The following EEFSEC variants were observed in gnomAD, a reference collection of about 807,000 sequenced individuals.
The protein encoded by EEFSEC is eukaryotic elongation factor, selenocysteine-tRNA specific, also known as selenocysteine-specific elongation factor.
EEFSEC carries 43 observed loss-of-function variants against 42.1 expected under a neutral mutation model. The ratio of observed to expected loss-of-function variants is 1.02; its 90% CI spans 0.80 to 1.32. EEFSEC has a LOEUF of 1.32. Ranked by LOEUF, EEFSEC falls within the 40% of genes most tolerant of loss-of-function variation. The probability of loss-of-function intolerance (pLI) is 0.00; values close to 1 mark genes in which losing one functional copy is unlikely to be tolerated. For missense variants in EEFSEC, 745 were observed against 803.6 expected, an observed-to-expected ratio of 0.93 and a Z score of 0.88; for synonymous variants, 354 against 339.1, an observed-to-expected ratio of 1.04 and a Z score of -0.48.
intron 5 of EEFSEC, among the ~76,000 whole-genome samples, chr3:128,351,984 T>C (rs2067391350): frequency 6.6e-6 from 1 of 152,214 alleles, no homozygotes; most frequent in South Asian, 2.1e-4. Flanking sequence ...CAATGATTGA[T>C]TTCAAAATGA....
At chr3:128,200,376 C>G (rs537111268) in intron 1 of EEFSEC, among the ~76,000 whole-genome samples, 1 of 152,228 alleles carries the variant, frequency 6.6e-6, no homozygotes, top group South Asian at 2.1e-4. Context: ...GCAACCTCCG[C>G]CTCTCAGGTT....
chr3:128,181,602 G>C (rs1174287849), intron 1 of EEFSEC, among the ~76,000 whole-genome samples: 1 of 152,196 alleles, frequency 6.6e-6, no homozygotes, highest in African/African-American at 2.4e-5. Flanking sequence ...TCTCTCCTTT[G>C]AAAGGTCTTT....
chr3:128,239,374 G>A (rs2066046588), intron 1 of EEFSEC, among the ~76,000 whole-genome samples: 1 of 152,172 alleles, frequency 6.6e-6, no homozygotes, highest in African/African-American at 2.4e-5. Context: ...GTGAGTCTGG[G>A]GCATGTGGCA....
At chr3:128,223,639 T>C (rs1433224941) in intron 1 of EEFSEC, among the ~76,000 whole-genome samples, 2 of 152,256 alleles carry the variant, frequency 1.3e-5, no homozygotes, top group South Asian at 4.1e-4. Context: ...TTGACACCAC[T>C]GGGCTTCAGT....
chr3:128,165,297 T>C (rs956891343), intron 1 of EEFSEC, among the ~76,000 whole-genome samples: 3 of 152,246 alleles, frequency 2.0e-5, no homozygotes, highest in African/African-American at 7.2e-5. Flanking sequence ...CTCTCAGACC[T>C]TAGCACATGC....
At position 128,279,833 on chromosome 3, in the gene EEFSEC, C is replaced by A. The variant is rs116823440; in HGVS notation, c.786+15052C>A. ...CTAATTCCTATGCCAGCCTTCTCTG[C>A]CTATTCAACATGCAGTTGCCCAAGG... is the stretch of plus-strand genomic sequence containing the variant. On this transcript the variant is annotated intron_variant, in intron 4 of 6. Transcript: ENST00000254730. Among the ~76,000 whole-genome samples the A allele has an allele frequency of 4.6e-3, 694 of 152,356 alleles. 4 individuals are homozygous for A. The highest frequency in any genetic ancestry group is 0.015 in the African/African-American group (609 of 41,586).
chr3:128,208,250 A>C (rs1291849767), intron 1 of EEFSEC, among the ~76,000 whole-genome samples: 1 of 152,190 alleles, frequency 6.6e-6, no homozygotes, highest in Non-Finnish European at 1.5e-5. Context: ...TCCTGTTAGC[A>C]CACTAAGAGT....
At chr3:128,261,709 C>T (rs569315511) in intron 2 of EEFSEC, among the ~76,000 whole-genome samples, 81 of 152,180 alleles carry the variant, frequency 5.3e-4, no homozygotes, top group African/African-American at 2.0e-3. Flanking sequence ...ATTGTAGAGG[C>T]GTGCTTCCAG....
intron 5 of EEFSEC, among the ~76,000 whole-genome samples, chr3:128,346,739 G>C (rs1051779770): frequency 6.6e-6 from 1 of 152,188 alleles, no homozygotes; most frequent in Non-Finnish European, 1.5e-5. Flanking sequence ...CTCAGACTCA[G>C]CTACTCAACT....
At chr3:128,357,168 G>A (rs1050066835) in intron 5 of EEFSEC, among the ~76,000 whole-genome samples, 2 of 152,254 alleles carry the variant, frequency 1.3e-5, no homozygotes, top group African/African-American at 4.8e-5. Flanking sequence ...TGAGGAGCTG[G>A]GTGGGGCAGG....
At chr3:128,190,143 A>T (rs1180515233) in intron 1 of EEFSEC, among the ~76,000 whole-genome samples, 1 of 152,130 alleles carries the variant, frequency 6.6e-6, no homozygotes, top group Non-Finnish European at 1.5e-5. Context: ...GATTACAGGC[A>T]TGAGCCACCA....
At chr3:128,378,218 T>G (rs552621041) in intron 6 of EEFSEC, among the ~76,000 whole-genome samples, 6 of 152,278 alleles carry the variant, frequency 3.9e-5, no homozygotes, top group Non-Finnish European at 5.9e-5. Context: ...TCACAGCACC[T>G]GCATCTCTCA....
At chr3:128,195,683 C>T (rs1207421729) in intron 1 of EEFSEC, among the ~76,000 whole-genome samples, 14 of 152,190 alleles carry the variant, frequency 9.2e-5, no homozygotes, top group Non-Finnish European at 1.5e-4. Context: ...GTGTTTCCCT[C>T]TGTCAGTTTT....
intron 2 of EEFSEC, among the ~76,000 whole-genome samples, chr3:128,249,375 CTA>C (rs1362621971): frequency 6.6e-6 from 1 of 152,132 alleles, no homozygotes; most frequent in Non-Finnish European, 1.5e-5. Flanking sequence ...TTCTTTTTAA[CTA>C]TGTGTAGTAT....
chr3:128,182,448 G>T (rs777484442), intron 1 of EEFSEC, among the ~76,000 whole-genome samples: 1 of 152,162 alleles, frequency 6.6e-6, no homozygotes, highest in Non-Finnish European at 1.5e-5. Flanking sequence ...AGAAAAGTAT[G>T]CCTTCCTTCT....
At chr3:128,407,798 G>A (rs1331430509) in intron 6 of EEFSEC, among the ~76,000 whole-genome samples, 1 of 152,212 alleles carries the variant, frequency 6.6e-6, no homozygotes, top group African/African-American at 2.4e-5. Flanking sequence ...GCACTGGAAA[G>A]CAATGGACCA....
Position 128,408,166 on chromosome 3 carries a change from C to A in EEFSEC, c.1698C>A (p.Ala566=). ...RGEATRQEES[A]ERSEPSQHVV... ...AGGCCACCAGGCAGGAGGAGAGCGC[C>A]GAGCGGAGCGAGCCCTCACAGCATG... Residue 566 remains alanine, a synonymous_variant, in exon 7 of 7, where the codon GCC becomes GCA. Coordinates refer to ENST00000254730, the MANE Select transcript of EEFSEC (RefSeq NM_021937.5). 1 of 1,612,768 alleles carries A rather than the reference C, an allele frequency of 6.2e-7. No homozygotes were observed. The highest frequency in any genetic ancestry group is 8.5e-7 in the Non-Finnish European group (1 of 1,179,410).
chr3:128,229,673 G>A (rs887839004), intron 1 of EEFSEC, among the ~76,000 whole-genome samples: 1 of 152,232 alleles, frequency 6.6e-6, no homozygotes, highest in African/African-American at 2.4e-5. Context: ...GACATGTTTT[G>A]TTTGGGCCAT....
the EEFSEC span, among the ~76,000 whole-genome samples, chr3:128,417,408 C>T: frequency 6.6e-6 from 1 of 152,128 alleles, no homozygotes; most frequent in Non-Finnish European, 1.5e-5. This position sits in a 1 kb window ranked among gnomAD's most constrained non-coding sequence, Gnocchi z 4.3. Flanking sequence ...GCACACAGCT[C>T]CCGCTGCCCC....
Sources: allele counts gnomAD v4.1 joint callset (sites outside exome capture counted in the v4.1 genomes callset), GRCh38; gene constraint gnomAD v4.1.1; non-coding constraint Gnocchi (gnomAD v3.1); transcripts MANE v1.5; gene names NCBI Gene and HGNC (gene_info 2026-07-23, HGNC 2026-07-21).